The following UBE2E2 variants were observed in gnomAD, a reference collection of about 807,000 sequenced individuals.
UBE2E2 encodes ubiquitin conjugating enzyme E2 E2, also known as ubiquitin-conjugating enzyme E2 E2.
In UBE2E2, 6 loss-of-function variants were observed where a neutral mutation model predicts 24.7. The observed-to-expected ratio is 0.24, with a 90% confidence interval of 0.13 to 0.48. The LOEUF is 0.48. Among genes scored for constraint, UBE2E2 ranks in the 20% least tolerant of loss-of-function variants. The pLI, the probability that UBE2E2 is intolerant of heterozygous loss-of-function variation, is 0.99. For synonymous variants in UBE2E2, 104 were observed against 83.6 expected (o/e 1.24, Z -1.33); for missense variants, 169 against 245.0 (o/e 0.69, Z 2.07).
intron 3 of UBE2E2, among the ~76,000 whole-genome samples, chr3:23,442,910 GATA>G (rs1698338733): frequency 6.6e-6 from 1 of 152,024 alleles, no homozygotes; most frequent in Non-Finnish European, 1.5e-5. Flanking sequence ...AATTTTCTTT[GATA>G]ATATATCAAA....
chr3:23,492,668 A>C (rs1464407115), intron 3 of UBE2E2, among the ~76,000 whole-genome samples: 2 of 152,186 alleles, frequency 1.3e-5, no homozygotes, highest in African/African-American at 4.8e-5. Context: ...CATCAATTAT[A>C]ATCCCTTCAA....
At chr3:23,236,992 C>T (rs753357140) in intron 3 of UBE2E2, among the ~76,000 whole-genome samples, 3 of 152,160 alleles carry the variant, frequency 2.0e-5, no homozygotes, top group Non-Finnish European at 2.9e-5. Flanking sequence ...CCCGTGGGAC[C>T]TGTTACATTG....
rs116986668 is a variant in UBE2E2, at chr3:23,521,484, C to A, written c.361-11070C>A. ...TAAGAGATGTTGGTCCTTTGGACAT[C>A]TGTTAAATTATCTTCTGTGGACAGT... On this transcript the variant is annotated intron_variant, in intron 4 of 5. Coordinates refer to ENST00000396703, the MANE Select transcript of UBE2E2 (RefSeq NM_152653.4). 6.9e-4 allele frequency among the ~76,000 whole-genome samples: 105 copies of A among 152,300 alleles called. 1 individual carries two copies. In the East Asian group the frequency reaches 0.015, roughly 22 times the overall value.
chr3:23,238,701 G>A (rs986705581), intron 3 of UBE2E2, among the ~76,000 whole-genome samples: 1 of 152,194 alleles, frequency 6.6e-6, no homozygotes, highest in Non-Finnish European at 1.5e-5. Flanking sequence ...TGTGGCCTAA[G>A]TCTAAACATG....
At chr3:23,306,343 A>T (rs938560097) in intron 3 of UBE2E2, among the ~76,000 whole-genome samples, 1 of 152,226 alleles carries the variant, frequency 6.6e-6, no homozygotes, top group African/African-American at 2.4e-5. Flanking sequence ...GGAAAGAAAT[A>T]CAATTATTTA....
intron 3 of UBE2E2, among the ~76,000 whole-genome samples, chr3:23,364,016 A>T (rs1696195418): frequency 6.6e-6 from 1 of 152,184 alleles, no homozygotes; most frequent in Non-Finnish European, 1.5e-5. Context: ...AATTACATGG[A>T]AATTATATAA....
intron 3 of UBE2E2, among the ~76,000 whole-genome samples, chr3:23,335,064 T>G (rs180901032): frequency 1.1e-4 from 16 of 152,322 alleles, no homozygotes; most frequent in Non-Finnish European, 1.5e-5. Context: ...CTAAATAAAA[T>G]GATTTATTTT....
At chr3:23,298,644 G>A (rs1252235027) in intron 3 of UBE2E2, among the ~76,000 whole-genome samples, 8 of 151,846 alleles carry the variant, frequency 5.3e-5, no homozygotes, top group Middle Eastern at 3.4e-3. Flanking sequence ...AAGCCCACTT[G>A]ATCATGGTGG....
intron 3 of UBE2E2, among the ~76,000 whole-genome samples, chr3:23,461,640 C>A (rs1261401297): frequency 6.6e-6 from 1 of 151,776 alleles, no homozygotes; most frequent in Non-Finnish European, 1.5e-5. Flanking sequence ...GATAAAATAT[C>A]CTGAGTTGCA....
At chr3:23,231,697 T>C (rs922020081) in intron 3 of UBE2E2, among the ~76,000 whole-genome samples, 2 of 152,188 alleles carry the variant, frequency 1.3e-5, no homozygotes, top group African/African-American at 4.8e-5. Flanking sequence ...CCAGGCCTCT[T>C]GGAACGTCTG....
intron 4 of UBE2E2, among the ~76,000 whole-genome samples, chr3:23,506,151 G>T (rs1338592503): frequency 2.0e-5 from 3 of 152,212 alleles, no homozygotes; most frequent in Non-Finnish European, 2.9e-5. Context: ...TCCAGCCTTG[G>T]TTAGAGAACA....
At position 23,249,271 on chromosome 3, in the gene UBE2E2, CA is replaced by C. The variant is rs58820253; in HGVS notation, c.227+31973del. On this transcript the variant is annotated intron_variant, in intron 3 of 5. Coordinates refer to ENST00000396703, the MANE Select transcript of UBE2E2 (RefSeq NM_152653.4). The stretch of plus-strand genomic sequence containing the variant: ...TGGGCAACAGAGCAAGACCCTGTCT[CA>C]AAAAAAAAAAAAAGAACCTAATTCT... Among the ~76,000 whole-genome samples the C allele has an allele frequency of 9.8e-3, 1,349 of 137,482 alleles. 26 individuals carry two copies. Among genetic ancestry groups the C allele is most frequent in the African/African-American group, 0.03 (1,124 of 37,772 alleles). 90.2% of individuals were successfully genotyped at this position (137,482 alleles called of 152,430 possible).
At chr3:23,501,859 G>GA (rs1276787492) in intron 4 of UBE2E2, among the ~76,000 whole-genome samples, 8 of 151,152 alleles carry the variant, frequency 5.3e-5, no homozygotes, top group South Asian at 2.1e-4. Flanking sequence ...AATTTTACCA[G>GA]AAAAAATGGA....
chr3:23,483,825 G>A (rs1397752560), intron 3 of UBE2E2, among the ~76,000 whole-genome samples: 1 of 152,126 alleles, frequency 6.6e-6, no homozygotes, highest in African/African-American at 2.4e-5. Context: ...GTTGGGGCAG[G>A]GTGGGAGTTC....
At chr3:23,355,160 A>G (rs1371440955) in intron 3 of UBE2E2, among the ~76,000 whole-genome samples, 2 of 148,584 alleles carry the variant, frequency 1.3e-5, no homozygotes, top group Non-Finnish European at 3.0e-5. Flanking sequence ...GTTCTCACTC[A>G]TAGGTGGGAA....
chr3:23,455,311 C>A (rs1250857006), intron 3 of UBE2E2, among the ~76,000 whole-genome samples: 1 of 152,092 alleles, frequency 6.6e-6, no homozygotes, highest in East Asian at 1.9e-4. Flanking sequence ...GTGAGTCACA[C>A]AAATTTTTTG....
At chr3:23,325,684 G>A (rs1694870628) in intron 3 of UBE2E2, among the ~76,000 whole-genome samples, 2 of 152,312 alleles carry the variant, frequency 1.3e-5, no homozygotes, top group Non-Finnish European at 2.9e-5. Context: ...TTCACCATGT[G>A]AGGCTTGACT....
chr3:23,586,317 CAG>C (rs1210293346), intron 5 of UBE2E2, among the ~76,000 whole-genome samples: 6 of 152,168 alleles, frequency 3.9e-5, no homozygotes, highest in African/African-American at 1.2e-4. Flanking sequence ...TTTTTAGAAA[CAG>C]AGTCTTGCTC....
intron 3 of UBE2E2, among the ~76,000 whole-genome samples, chr3:23,363,034 T>C (rs1230989279): frequency 1.3e-5 from 2 of 152,240 alleles, no homozygotes; most frequent in African/African-American, 2.4e-5. Context: ...AAGAATTTCA[T>C]ATTTGGCAAA....
Sources: allele counts gnomAD v4.1 joint callset (sites outside exome capture counted in the v4.1 genomes callset), GRCh38; gene constraint gnomAD v4.1.1; transcripts MANE v1.5; gene names NCBI Gene and HGNC (gene_info 2026-07-23, HGNC 2026-07-21).